The following PACC1 variants were observed in gnomAD, a reference collection of about 807,000 sequenced individuals.
PACC1 encodes the protein proton activated chloride channel 1.
Under a neutral mutation model 39.7 loss-of-function variants are expected in PACC1, and 34 were observed. The ratio of observed to expected loss-of-function variants is 0.86; its 90% CI spans 0.65 to 1.14. The LOEUF (loss-of-function observed/expected upper bound fraction) is 1.14, where lower values mean the gene tolerates loss of function less well. PACC1 is among the 50% of genes most tolerant of loss of function. The pLI is 0.00. For missense variants in PACC1, 379 were observed against 436.4 expected (o/e 0.87, Z 1.17); for synonymous variants, 127 against 160.6 (o/e 0.79, Z 1.58).
Position 212,365,152 on chromosome 1 carries a change from C to G in PACC1, c.*63G>C. The G allele has an allele frequency of 1.3e-6, 2 of 1,531,496 alleles. No homozygotes were observed. The highest frequency in any genetic ancestry group is 1.8e-6 in the Non-Finnish European group (2 of 1,128,120). The allele number at this position is 1,531,496 out of a possible 1,614,324, so 94.9% of individuals were successfully genotyped here. On this transcript the variant is annotated 3_prime_UTR_variant, in exon 8 of 8. Transcript: ENST00000261455. ...ACAGGATTGTTGATAGCTCCGTTTACAAAGTGGAAGTGATGACAGCTCCCA... is the reference window on the plus strand; with the variant it reads ...ACAGGATTGTTGATAGCTCCGTTTAGAAAGTGGAAGTGATGACAGCTCCCA...
chr1:212,395,880 CAAT>C (rs1226595092), intron 2 of PACC1, among the ~76,000 whole-genome samples: 1 of 152,200 alleles, frequency 6.6e-6, no homozygotes, highest in Non-Finnish European at 1.5e-5. Flanking sequence ...ATCAAAACCA[CAAT>C]GAGATACCAT....
At chr1:212,411,292 G>C (rs1662119217) in intron 1 of PACC1, among the ~76,000 whole-genome samples, 1 of 152,188 alleles carries the variant, frequency 6.6e-6, no homozygotes, top group Admixed American at 6.5e-5. Context: ...AGTCTGCTGA[G>C]AGAAAAGAGG....
In PACC1 at chr1:212,396,535, T is replaced by C. The variant is rs188077818; in HGVS notation, c.134-9435A>G. The stretch of plus-strand genomic sequence containing the variant: ...CACCAACATGGCACATGTATACATA[T>C]GTAACAAACCTGCATTGCGCACATG... On this transcript the variant is annotated intron_variant, in intron 2 of 7. Transcript: ENST00000261455. 2.0e-3 allele frequency among the ~76,000 whole-genome samples: 307 copies of C among 151,678 alleles called. 4 individuals carry two copies. The highest frequency in any genetic ancestry group is 7.1e-3 in the African/African-American group (295 of 41,272).
In PACC1 at chr1:212,387,002, T is replaced by C. The variant is rs560672145; in HGVS notation, c.232A>G (p.Met78Val). The change falls in exon 3 of 8, where the codon ATG becomes GTG. Residue 78 changes from methionine to valine, a missense_variant. Physicochemically the swap from Met to Val is conservative, Grantham distance 21 (BLOSUM62 1). Coordinates refer to ENST00000261455, the MANE Select transcript of PACC1 (RefSeq NM_018252.3). ...VLLIFIYLLL[M>V]AVAVFLVYRT... is the part of the protein sequence containing the mutation. ...TAGACCAGGAAGACGGCCACAGCCA[T>C]GAGCAGCAGGTAGATGAAGATGAGT... 2.7e-5 allele frequency: 44 copies of C among 1,614,230 alleles called. No homozygotes were observed. The South Asian group carries it at 4.2e-4, about 15-fold the overall frequency.
intron 2 of PACC1, among the ~76,000 whole-genome samples, chr1:212,398,464 C>T (rs914931425): frequency 6.6e-6 from 1 of 152,180 alleles, no homozygotes; most frequent in African/African-American, 2.4e-5. Flanking sequence ...TCACTTTACA[C>T]AGAAATGCAA....
intron 6 of PACC1, among the ~76,000 whole-genome samples, chr1:212,375,503 A>G (rs1046317024): frequency 8.5e-5 from 13 of 152,330 alleles, no homozygotes; most frequent in Non-Finnish European, 1.6e-4. Flanking sequence ...TGGTTTCCAC[A>G]GTTCTCTGGG....
intron 5 of PACC1, among the ~76,000 whole-genome samples, chr1:212,379,309 T>C (rs543543365): frequency 6.6e-6 from 1 of 152,334 alleles, no homozygotes; most frequent in Admixed American, 6.5e-5. Context: ...CTATGATATA[T>C]ATAACCACGC....
At chr1:212,403,112 A>G (rs1443799216) in intron 2 of PACC1, among the ~76,000 whole-genome samples, 1 of 152,220 alleles carries the variant, frequency 6.6e-6, no homozygotes, top group Non-Finnish European at 1.5e-5. Context: ...TTATTCTATT[A>G]GCATGTCTGA....
At chr1:212,408,798 T>C (rs1662019471) in intron 2 of PACC1, among the ~76,000 whole-genome samples, 1 of 152,210 alleles carries the variant, frequency 6.6e-6, no homozygotes, top group Admixed American at 6.5e-5. Flanking sequence ...CAACAAATCT[T>C]TATGGCGTGG....
chr1:212,391,374 G>C (rs939879730), intron 2 of PACC1, among the ~76,000 whole-genome samples: 10 of 152,206 alleles, frequency 6.6e-5, no homozygotes, highest in Non-Finnish European at 1.2e-4. Context: ...ACCTGCAGCT[G>C]AGAGTCCTGA....
At chr1:212,376,513 T>A (rs924700098) in intron 6 of PACC1, among the ~76,000 whole-genome samples, 1 of 152,146 alleles carries the variant, frequency 6.6e-6, no homozygotes, top group Non-Finnish European at 1.5e-5. Context: ...AATTGTAAGG[T>A]AAGTGAACAC....
intron 7 of PACC1, among the ~76,000 whole-genome samples, chr1:212,372,979 C>CA (rs1289656972): frequency 1.3e-5 from 2 of 152,066 alleles, no homozygotes; most frequent in Non-Finnish European, 2.9e-5. Context: ...ATACCAATGA[C>CA]ATTCTTTACA....
intron 2 of PACC1, among the ~76,000 whole-genome samples, chr1:212,388,008 TACTCCATTGC>T (rs749524512): frequency 6.8e-6 from 1 of 147,180 alleles, no homozygotes; most frequent in Non-Finnish European, 1.5e-5. Context: ...GAGCCGAGAT[TACTCCATTGC>T]ACTCCAGCCT....
chr1:212,390,539 G>A (rs1476749007), intron 2 of PACC1, among the ~76,000 whole-genome samples: 1 of 151,952 alleles, frequency 6.6e-6, no homozygotes, highest in Non-Finnish European at 1.5e-5. Context: ...GGTGATTTCT[G>A]CATTTCCAAC....
In PACC1 at chr1:212,410,512, C is replaced by A; in HGVS notation, c.46G>T (p.Glu16Ter). 2 of 1,614,132 alleles carry A rather than the reference C, an allele frequency of 1.2e-6. No individual in the cohort carries two copies. Among genetic ancestry groups the A allele is most frequent in the Middle Eastern group, 1.6e-4 (1 of 6,062 alleles). The change falls in exon 2 of 8, where the codon GAG becomes TAG. Residue 16 changes from glutamate to a stop codon, truncating the protein, a stop_gained. Transcript: ENST00000261455. LOFTEE classifies it high-confidence loss of function. ...GAGTTCTCAACCACCTGGACCAACT[C>A]CTCACTCAGCTAAAGGGAGAAGCAA... ...RSTSYQELSE[E>*]LVQVVENSEL...
chr1:212,410,454 A>C lies in PACC1; in HGVS notation c.104T>G (p.Val35Gly), dbSNP rs763791736. ...TAAGATACCCGGACCTTGGACTCTG[A>C]CCGTCTCCTTGTCCTGCTCGTCTGC... ...ELADEQDKET[V>G]RVQGPGILPG... Residue 35 changes from valine (V) to glycine (G), a missense_variant, in exon 2 of 8, where the codon GTC (valine) becomes GGC (glycine). By Grantham distance (109) the Val-to-Gly change is moderately radical (BLOSUM62 -3). Transcript: ENST00000261455. 2 of 1,614,182 alleles carry C rather than the reference A, an allele frequency of 1.2e-6. No homozygotes were observed. The highest frequency in any genetic ancestry group is 1.7e-6 in the Non-Finnish European group (2 of 1,180,006).
chr1:212,412,900 A>C (rs537932970), intron 1 of PACC1, among the ~76,000 whole-genome samples: 1 of 152,240 alleles, frequency 6.6e-6, no homozygotes, highest in Non-Finnish European at 1.5e-5. Context: ...ATCCCCAAAC[A>C]ACCCTGGGAG....
intron 2 of PACC1, among the ~76,000 whole-genome samples, chr1:212,388,560 C>T (rs1388055836): frequency 6.6e-6 from 1 of 152,030 alleles, no homozygotes. Context: ...CCAATAGGAC[C>T]AGAATCCTTA....
intron 2 of PACC1, among the ~76,000 whole-genome samples, chr1:212,395,024 T>C (rs924159718): frequency 6.6e-6 from 1 of 152,146 alleles, no homozygotes; most frequent in African/African-American, 2.4e-5. Flanking sequence ...AGGTAATTTA[T>C]AGATTCAATG....
Sources: gnomAD v4.1 joint callset for allele counts (sites outside exome capture counted in the v4.1 genomes callset) on GRCh38, gnomAD v4.1.1 for gene constraint, MANE v1.5 for transcripts, NCBI Gene and HGNC (gene_info 2026-07-23, HGNC 2026-07-21) for gene names.